Variants in PITPNC1 observed in about 807,000 individuals in gnomAD.
PITPNC1 encodes the protein phosphatidylinositol transfer protein cytoplasmic 1, also known as cytoplasmic phosphatidylinositol transfer protein 1.
In PITPNC1, 18 loss-of-function variants were observed where a neutral mutation model predicts 44.7. The ratio of observed to expected loss-of-function variants is 0.40; its 90% CI spans 0.28 to 0.60. The LOEUF (loss-of-function observed/expected upper bound fraction) is 0.60, where lower values mean the gene tolerates loss of function less well. Among genes scored for constraint, PITPNC1 ranks in the 20% least tolerant of loss-of-function variants. PITPNC1 has a pLI of 0.39. For synonymous variants in PITPNC1, 141 were observed against 149.6 expected, an observed-to-expected ratio of 0.94 and a Z score of 0.42; for missense variants, 290 against 418.4, an observed-to-expected ratio of 0.69 and a Z score of 2.68.
At chr17:67,632,480 C>T in intron 6 of PITPNC1, 1 of 511,092 alleles carries the variant, frequency 2.0e-6, no homozygotes, top group South Asian at 2.3e-5. Flanking sequence ...ACTCTGCCAT[C>T]ATTTTTGGCA....
chr17:67,477,569 A>T lies in PITPNC1; in HGVS notation c.49-55233A>T, dbSNP rs1241273572. 1.2e-4 allele frequency among the ~76,000 whole-genome samples: 18 copies of T among 150,290 alleles called. 1 individual carries two copies. In the East Asian group the frequency reaches 1.4e-3, roughly 12 times the overall value. ...CTGCCCAGCTCATTTTTATTTATTT[A>T]TTTATTTTTTGGTAGAGACAGGGTC... On this transcript the variant is annotated intron_variant, in intron 1 of 8. Coordinates refer to ENST00000581322, the MANE Select transcript of PITPNC1 (RefSeq NM_012417.4).
chr17:67,666,030 A>G (rs1168427769), intron 6 of PITPNC1, among the ~76,000 whole-genome samples: 1 of 151,964 alleles, frequency 6.6e-6, no homozygotes, highest in Non-Finnish European at 1.5e-5. Flanking sequence ...TTTAGTAGAG[A>G]CGGGCTTTTA....
chr17:67,565,842 C>T (rs572499450), intron 4 of PITPNC1, among the ~76,000 whole-genome samples: 20 of 146,990 alleles, frequency 1.4e-4, no homozygotes, highest in South Asian at 1.3e-3. Flanking sequence ...CCATGTTTTT[C>T]GGTGTGTATG....
chr17:67,438,299 A>G (rs1030179706), intron 1 of PITPNC1, among the ~76,000 whole-genome samples: 1 of 148,866 alleles, frequency 6.7e-6, no homozygotes, highest in African/African-American at 2.5e-5. Flanking sequence ...TAAAGAGAAC[A>G]GAGTTCTAAG....
chr17:67,545,099 G>T (rs1042244264), intron 2 of PITPNC1, among the ~76,000 whole-genome samples: 1 of 151,510 alleles, frequency 6.6e-6, no homozygotes, highest in Admixed American at 6.6e-5. Flanking sequence ...ATCCCTTGAG[G>T]CCAGGAGTTC....
chr17:67,401,043 T>C (rs939217398), intron 1 of PITPNC1, among the ~76,000 whole-genome samples: 5 of 151,962 alleles, frequency 3.3e-5, no homozygotes, highest in Non-Finnish European at 7.4e-5. Context: ...CAGGCAATTC[T>C]CCTGCCTCAG....
intron 6 of PITPNC1, among the ~76,000 whole-genome samples, chr17:67,658,398 C>G (rs530170102): frequency 4.6e-5 from 7 of 152,186 alleles, no homozygotes; most frequent in Non-Finnish European, 1.0e-4. Flanking sequence ...TTTTTGCATA[C>G]TCACAAACCA....
rs779233262 is a variant in PITPNC1, at chr17:67,377,948, G to C, written c.-207G>C. On this transcript the variant is annotated 5_prime_UTR_variant, in exon 1 of 9. Coordinates refer to ENST00000581322, the MANE Select transcript of PITPNC1 (RefSeq NM_012417.4). ...CCGGCCTCGGCGAGGGAGGAGGCGG[G>C]GGAGCTGCGAACACCCAGACCCAAA... 2.4e-6 allele frequency: 1 copy of C among 412,288 alleles called. No homozygotes were observed. The highest frequency in any genetic ancestry group is 4.6e-5 in the Admixed American group (1 of 21,702). The allele number at this position is 412,288 out of a possible 1,614,324, so 25.5% of individuals were successfully genotyped here.
chr17:67,629,287 T>G (rs1342166168), intron 5 of PITPNC1, among the ~76,000 whole-genome samples: 2 of 141,962 alleles, frequency 1.4e-5, no homozygotes, highest in African/African-American at 5.3e-5. Flanking sequence ...TTGTTGTTGT[T>G]TTTGAGACAG....
chr17:67,638,619 T>C (rs969733199), intron 6 of PITPNC1: 1 of 152,184 alleles, frequency 6.6e-6, no homozygotes, highest in Non-Finnish European at 1.5e-5. Flanking sequence ...GAGGGTTTTG[T>C]GTGTGTGTGC....
At chr17:67,609,439 G>A (rs979897909) in intron 5 of PITPNC1, among the ~76,000 whole-genome samples, 7 of 151,538 alleles carry the variant, frequency 4.6e-5, no homozygotes, top group Admixed American at 1.3e-4. Flanking sequence ...ACAGGCATGC[G>A]CCACCATGCC....
intron 6 of PITPNC1, 139 bp from the exon 7 acceptor site, chr17:67,669,369 G>A: frequency 1.7e-6 from 1 of 576,510 alleles, no homozygotes; most frequent in Non-Finnish European, 2.9e-6. Context: ...GCCCGCCTCA[G>A]CCTCCCAAAG....
intron 1 of PITPNC1, among the ~76,000 whole-genome samples, chr17:67,399,885 G>A (rs2038281648): frequency 1.3e-5 from 2 of 152,240 alleles, no homozygotes; most frequent in Admixed American, 1.3e-4. Context: ...GACCTAGTCA[G>A]TCCTTGCTGT....
At chr17:67,543,878 T>C (rs1191446861) in intron 2 of PITPNC1, among the ~76,000 whole-genome samples, 1 of 152,210 alleles carries the variant, frequency 6.6e-6, no homozygotes, top group Admixed American at 6.5e-5. Flanking sequence ...TAAGAGGGAA[T>C]CTCGCTCTGT....
intron 8 of PITPNC1, among the ~76,000 whole-genome samples, chr17:67,677,508 A>G (rs1489629349): frequency 2.0e-5 from 3 of 151,938 alleles, no homozygotes; most frequent in Non-Finnish European, 4.4e-5. Flanking sequence ...AAGGCCAGGA[A>G]GGCGATGGGG....
intron 1 of PITPNC1, among the ~76,000 whole-genome samples, chr17:67,467,407 G>A (rs1390519762): frequency 2.0e-5 from 3 of 152,138 alleles, no homozygotes; most frequent in Non-Finnish European, 2.9e-5. Context: ...GGTTCAGGGA[G>A]GGTGGTGTGG....
At chr17:67,621,919 C>A (rs545963894) in intron 5 of PITPNC1, among the ~76,000 whole-genome samples, 20 of 152,026 alleles carry the variant, frequency 1.3e-4, no homozygotes, top group African/African-American at 4.3e-4. Flanking sequence ...GAGTTTGAGA[C>A]GCACCTGGGC....
intron 1 of PITPNC1, among the ~76,000 whole-genome samples, chr17:67,463,268 T>C (rs1216172252): frequency 2.0e-5 from 3 of 152,162 alleles, no homozygotes; most frequent in Non-Finnish European, 2.9e-5. Context: ...GTGCCTCTGA[T>C]TGGTGGGTAG....
At chr17:67,499,680 A>G (rs138631280) in intron 1 of PITPNC1, among the ~76,000 whole-genome samples, 537 of 152,336 alleles carry the variant, frequency 3.5e-3, no homozygotes, top group Non-Finnish European at 5.9e-3. Context: ...TGAGATTATA[A>G]TGCTGTATTT....
Sources: allele counts gnomAD v4.1 joint callset (sites outside exome capture counted in the v4.1 genomes callset), GRCh38; gene constraint gnomAD v4.1.1; transcripts MANE v1.5; gene names NCBI Gene and HGNC (gene_info 2026-07-23, HGNC 2026-07-21).